PLAGL1: variants seen among roughly 807,000 people sequenced by gnomAD.
PLAGL1 encodes the protein PLAG1 like zinc finger 1.
Under a neutral mutation model 4.6 loss-of-function variants are expected in PLAGL1, and 1 was observed. That is an observed-to-expected ratio of 0.22 (90% CI 0.08 to 1.03). The LOEUF (loss-of-function observed/expected upper bound fraction) is 1.03. Among genes scored for constraint, PLAGL1 ranks in the 50% least tolerant of loss-of-function variants. PLAGL1 has a pLI of 0.58. For synonymous variants in PLAGL1, 240 were observed against 237.8 expected, an observed-to-expected ratio of 1.01 and a Z score of -0.08; for missense variants, 464 against 570.4, an observed-to-expected ratio of 0.81 and a Z score of 1.90.
At position 144,048,555 on chromosome 6, in the gene PLAGL1, C is replaced by T. The variant is rs1241575123; in HGVS notation, c.-151+15913G>A. Among the ~76,000 whole-genome samples, 1 of 152,234 alleles carries T rather than the reference C, an allele frequency of 6.6e-6. No homozygotes were observed. Among genetic ancestry groups the T allele is most frequent in the Non-Finnish European group, 1.5e-5 (1 of 68,042 alleles). ...CAACACTATATGGAAGCCTCCAAGG[C>T]TTACAGCTTGCAGTCTCTGAAGCAA... On this transcript the variant is annotated intron_variant, in intron 1 of 3. Coordinates refer to the PLAGL1 transcript ENST00000437412. This position sits in a 1 kb window ranked among gnomAD's most constrained non-coding sequence, Gnocchi z 4.8.
chr6:143,956,288 G>T (rs1309359159), intron 6 of PLAGL1, among the ~76,000 whole-genome samples: 2 of 152,164 alleles, frequency 1.3e-5, no homozygotes, highest in Non-Finnish European at 1.5e-5. Flanking sequence ...GCTAGACTGA[G>T]ACTCCCTTAG....
chr6:143,996,748 C>G (rs1791711640), intron 1 of PLAGL1, among the ~76,000 whole-genome samples: 1 of 151,520 alleles, frequency 6.6e-6, no homozygotes, highest in South Asian at 2.1e-4. Flanking sequence ...CATACTCAGG[C>G]ACTTGATTTT....
In PLAGL1 at chr6:143,941,762, C is replaced by A. The variant is rs1562363981; in HGVS notation, c.1054G>T (p.Ala352Ser). 1.2e-6 allele frequency: 2 copies of A among 1,614,236 alleles called. No homozygotes were observed. The highest frequency in any genetic ancestry group is 4.5e-5 in the East Asian group (2 of 44,888). ...TTTACTTTACCAGCATTTCCCTTAGCCAGATCAAAACCTGGGTTGAGCTTT... is the reference window on the plus strand; with the variant it reads ...TTTACTTTACCAGCATTTCCCTTAGACAGATCAAAACCTGGGTTGAGCTTT... ...PQKLNPGFDL[A>S]KGNAGKVNLP... is the part of the protein sequence containing the mutation. The change falls in exon 8 of 8, where the codon GCT becomes TCT. Residue 352 changes from alanine (A) to serine (S), a missense_variant. By Grantham distance (99) the Ala-to-Ser change is moderately conservative. Coordinates refer to ENST00000674357, the MANE Select transcript of PLAGL1 (RefSeq NM_001317162.2). The surrounding 1 kb of genome is among the most constrained non-coding windows in gnomAD (Gnocchi z 6.0).
chr6:143,974,442 A>C (rs1051455610), intron 2 of PLAGL1, among the ~76,000 whole-genome samples: 1 of 151,854 alleles, frequency 6.6e-6, no homozygotes, highest in Non-Finnish European at 1.5e-5. Flanking sequence ...TTCACCAATT[A>C]CTCACCTTGG....
chr6:143,950,565 AAC>A lies in PLAGL1; in HGVS notation c.-324-2107_-324-2106del, dbSNP rs1217813211. ...CTTTCTAGGTTTATTAAAAAAGACT[AAC>A]ACACACAGAGTATGAAGTTTGAAAA... On this transcript the variant is annotated intron_variant, in intron 6 of 7. Coordinates refer to ENST00000674357, the MANE Select transcript of PLAGL1 (RefSeq NM_001317162.2). This position sits in a 1 kb window ranked among gnomAD's most constrained non-coding sequence, Gnocchi z 6.3. Among the ~76,000 whole-genome samples, 20 of 152,310 alleles carry A rather than the reference AAC, an allele frequency of 1.3e-4. No homozygotes were observed. Among genetic ancestry groups the A allele is most frequent in the African/African-American group, 4.8e-4 (20 of 41,568 alleles).
chr6:144,026,800 C>G lies in PLAGL1; in HGVS notation c.-151+37668G>C, dbSNP rs116935877. Among the ~76,000 whole-genome samples, 8 of 152,296 alleles carry G rather than the reference C, an allele frequency of 5.3e-5. No individual in the cohort carries two copies. In the East Asian group the frequency reaches 1.5e-3, roughly 29 times the overall value. ...CCCTGCAAACCACTGTAACTACTGG[C>G]AAAGCAGATAGGAACATTTCTTTCT... On this transcript the variant is annotated intron_variant, in intron 1 of 3. Transcript: ENST00000437412.
intron 1 of PLAGL1, chr6:144,037,480 T>G (rs1334331012): frequency 6.7e-6 from 1 of 150,144 alleles, no homozygotes; most frequent in Non-Finnish European, 1.5e-5. Context: ...CCCAGCTACT[T>G]AGGAGGCTGA....
chr6:144,008,587 A>G (rs1181397909), upstream of PLAGL1: 9 of 152,238 alleles, frequency 5.9e-5, no homozygotes, highest in Admixed American at 5.9e-4. The surrounding 1 kb of genome is among the most constrained non-coding windows in gnomAD (Gnocchi z 6.9). Context: ...GCCCAGGTAC[A>G]GCGCTGGCGC....
intron 1 of PLAGL1, among the ~76,000 whole-genome samples, chr6:143,992,170 C>T (rs961377488): frequency 2.6e-5 from 4 of 152,134 alleles, no homozygotes; most frequent in Non-Finnish European, 5.9e-5. Context: ...ACTCTACCCC[C>T]GTATAGTTAG....
At chr6:143,944,794 T>A (rs1480645298) in intron 7 of PLAGL1, among the ~76,000 whole-genome samples, 1 of 152,080 alleles carries the variant, frequency 6.6e-6, no homozygotes, top group Non-Finnish European at 1.5e-5. Flanking sequence ...TTTTTTTTTT[T>A]TTTTCTGGCC....
rs888629277 is a variant in PLAGL1, at chr6:143,947,512, C to A, written c.152+473G>T. ...GCACTTTTAGCCTCATCTGCTCCTC[C>A]TCGGATAGTACCCTCTGCACATGGG... is the stretch of plus-strand genomic sequence containing the variant. On this transcript the variant is annotated intron_variant, in intron 7 of 7. Transcript: ENST00000674357. This position sits in a 1 kb window ranked among gnomAD's most constrained non-coding sequence, Gnocchi z 4.3. Among the ~76,000 whole-genome samples the A allele has an allele frequency of 3.3e-5, 5 of 152,228 alleles. No homozygotes were observed. The highest frequency in any genetic ancestry group is 7.3e-5 in the Non-Finnish European group (5 of 68,040).
At position 144,004,568 on chromosome 6, in the gene PLAGL1, T is replaced by C. The variant is rs893246171; in HGVS notation, c.-584+3522A>G. Among the ~76,000 whole-genome samples, 1 of 152,182 alleles carries C rather than the reference T, an allele frequency of 6.6e-6. No individual in the cohort carries two copies. Among genetic ancestry groups the C allele is most frequent in the Non-Finnish European group, 1.5e-5 (1 of 68,036 alleles). ...TACATGGTCATAGAAATCGGGACAG[T>C]AGTTGACTGGGGGAAGCGAGTGGCT... On this transcript the variant is annotated intron_variant, in intron 1 of 7. Coordinates refer to ENST00000674357, the MANE Select transcript of PLAGL1 (RefSeq NM_001317162.2). The surrounding 1 kb of genome is among the most constrained non-coding windows in gnomAD (Gnocchi z 4.2).
At position 144,063,466 on chromosome 6, in the gene PLAGL1, T is replaced by C. The variant is rs1799593017; in HGVS notation, c.-151+1002A>G. 6.6e-6 allele frequency among the ~76,000 whole-genome samples: 1 copy of C among 152,122 alleles called. No individual in the cohort carries two copies. Among genetic ancestry groups the C allele is most frequent in the Non-Finnish European group, 1.5e-5 (1 of 68,016 alleles). On this transcript the variant is annotated intron_variant, in intron 1 of 3. Transcript: ENST00000437412. The surrounding 1 kb of genome is among the most constrained non-coding windows in gnomAD (Gnocchi z 5.7). The stretch of plus-strand genomic sequence containing the variant: ...ACATCTGGGGTGGGCCCAATAGGTG[T>C]GTTCTGAAAAGCTCTCCTGGTGCTT...
At position 144,027,234 on chromosome 6, in the gene PLAGL1, C is replaced by CGAACAAAAGAAA. The variant is rs1263928332; in HGVS notation, c.-151+37233_-151+37234insTTTCTTTTGTTC. 3.0e-4 allele frequency among the ~76,000 whole-genome samples: 34 copies of CGAACAAAAGAAA among 111,632 alleles called. No homozygotes were observed. The highest frequency in any genetic ancestry group is 1.2e-3 in the African/African-American group (31 of 26,616). The allele number at this position is 111,632 out of a possible 152,430, so 73.2% of individuals were successfully genotyped here. A position where few individuals can be genotyped will look rare whatever the true frequency, so the allele number is the denominator to read the frequency against. On this transcript the variant is annotated intron_variant, in intron 1 of 3. Transcript: ENST00000437412. This position sits in a 1 kb window ranked among gnomAD's most constrained non-coding sequence, Gnocchi z 5.8. ...GAAAGACCCCAACTCAAAGAACGAA[C>CGAACAAAAGAAA]GAAAGAAAGAAAGAAAGAAAGAAAG...
At position 144,034,506 on chromosome 6, in the gene PLAGL1, A is replaced by C. The variant is rs1028583673; in HGVS notation, c.-151+29962T>G. On this transcript the variant is annotated intron_variant, in intron 1 of 3. Coordinates refer to the PLAGL1 transcript ENST00000437412. The surrounding 1 kb of genome is among the most constrained non-coding windows in gnomAD (Gnocchi z 4.7). The stretch of plus-strand genomic sequence containing the variant: ...TAAAACACTTATTTGTTTCCTTTGT[A>C]TCCTCCTCTCATTCAGGGGGTTCAA... Among the ~76,000 whole-genome samples the C allele has an allele frequency of 1.3e-5, 2 of 152,180 alleles. No individual in the cohort carries two copies. The highest frequency in any genetic ancestry group is 2.4e-5 in the African/African-American group (1 of 41,444).
Position 143,952,684 on chromosome 6 carries a change from G to A in PLAGL1, c.-324-4224C>T, listed in dbSNP as rs141857665. ...CAACTGTAGTTCCAGGACTTCTCCA[G>A]TGCTACATAACACATCATCTAATGG... is the stretch of plus-strand genomic sequence containing the variant. On this transcript the variant is annotated intron_variant, in intron 6 of 7. Coordinates refer to ENST00000674357, the MANE Select transcript of PLAGL1 (RefSeq NM_001317162.2). The surrounding 1 kb of genome is among the most constrained non-coding windows in gnomAD (Gnocchi z 6.1). 1.9e-3 allele frequency among the ~76,000 whole-genome samples: 296 copies of A among 152,290 alleles called. 4 individuals carry two copies. The highest frequency in any genetic ancestry group is 0.014 in the East Asian group (72 of 5,180).
chr6:144,032,240 C>A (rs532312997), intron 1 of PLAGL1, among the ~76,000 whole-genome samples: 2 of 151,434 alleles, frequency 1.3e-5, no homozygotes, highest in Non-Finnish European at 2.9e-5. Flanking sequence ...CCTGCCCCAG[C>A]CTCCTGAGTA....
At position 143,955,929 on chromosome 6, in the gene PLAGL1, GT is replaced by G. The variant is rs1782027519; in HGVS notation, c.-325+4539del. On this transcript the variant is annotated intron_variant, in intron 6 of 7. Coordinates refer to ENST00000674357, the MANE Select transcript of PLAGL1 (RefSeq NM_001317162.2). This position sits in a 1 kb window ranked among gnomAD's most constrained non-coding sequence, Gnocchi z 4.9. ...GAGGGAATGGTGGTGGCAGAGAGAG[GT>G]TTTCTTCTGCATCCCAGAAGAAAAA... 6.6e-6 allele frequency among the ~76,000 whole-genome samples: 1 copy of G among 151,984 alleles called. No individual in the cohort carries two copies. Among genetic ancestry groups the G allele is most frequent in the African/African-American group, 2.4e-5 (1 of 41,294 alleles).
chr6:144,037,485 G>A (rs1382408907), intron 1 of PLAGL1: 1 of 151,480 alleles, frequency 6.6e-6, no homozygotes, highest in Non-Finnish European at 1.5e-5. Flanking sequence ...CTACTTAGGA[G>A]GCTGAGATGG....
Sources: gnomAD v4.1 joint callset for allele counts (sites outside exome capture counted in the v4.1 genomes callset) on GRCh38, gnomAD v4.1.1 for gene constraint, Gnocchi (gnomAD v3.1) non-coding constraint, MANE v1.5 for transcripts, NCBI Gene and HGNC (gene_info 2026-07-23, HGNC 2026-07-21) for gene names.